Variants in SLX4IP observed in about 807,000 individuals in gnomAD.
SLX4IP encodes the protein protein SLX4IP.
Under a neutral mutation model 32.9 loss-of-function variants are expected in SLX4IP, and 34 were observed. That is an observed-to-expected ratio of 1.03 (90% CI 0.79 to 1.38). SLX4IP has a LOEUF of 1.38. Among genes scored for constraint, SLX4IP ranks in the 40% most tolerant of loss-of-function variants. SLX4IP has a pLI of 0.00. For missense variants in SLX4IP, 444 were observed against 479.0 expected, an observed-to-expected ratio of 0.93 and a Z score of 0.68; for synonymous variants, 172 against 171.7, an observed-to-expected ratio of 1.00 and a Z score of -0.01.
intron 4 of SLX4IP, among the ~76,000 whole-genome samples, chr20:10,563,047 CT>C (rs1369992537): frequency 6.6e-6 from 1 of 152,120 alleles, no homozygotes; most frequent in Non-Finnish European, 1.5e-5. Context: ...ATATGAGTTC[CT>C]TTTTCTTCAC....
At chr20:10,596,301 C>T (rs1685647115) in intron 4 of SLX4IP, among the ~76,000 whole-genome samples, 1 of 152,098 alleles carries the variant, frequency 6.6e-6, no homozygotes. Flanking sequence ...TAGCTCACTG[C>T]AGCCTTGAAG....
intron 6 of SLX4IP, among the ~76,000 whole-genome samples, chr20:10,610,882 G>A (rs1300394006): frequency 6.8e-6 from 1 of 146,826 alleles, no homozygotes; most frequent in Non-Finnish European, 1.5e-5. Context: ...AGTATTATTA[G>A]TGAAATTTAG....
At chr20:10,595,465 C>A (rs2122542970) in intron 4 of SLX4IP, among the ~76,000 whole-genome samples, 1 of 152,290 alleles carries the variant, frequency 6.6e-6, no homozygotes, top group East Asian at 1.9e-4. Context: ...GCATAGCGAG[C>A]TGGGAGCTGG....
chr20:10,619,416 A>G lies in SLX4IP; in HGVS notation c.406-1898A>G, dbSNP rs16991861. Among the ~76,000 whole-genome samples the G allele has an allele frequency of 8.3e-3, 1,260 of 152,210 alleles. 16 individuals carry two copies. Among genetic ancestry groups the G allele is most frequent in the African/African-American group, 0.029 (1,207 of 41,534 alleles). ...TTTTTGAAGTTCCCATAGGAAATGCATAGTGCTCTTTAAACTGAATTTTAA... is the reference window on the plus strand; with the variant it reads ...TTTTTGAAGTTCCCATAGGAAATGCGTAGTGCTCTTTAAACTGAATTTTAA... On this transcript the variant is annotated intron_variant, in intron 6 of 7. Coordinates refer to ENST00000334534, the MANE Select transcript of SLX4IP (RefSeq NM_001009608.3).
intron 4 of SLX4IP, 77 bp downstream of exon 4, chr20:10,560,897 C>T: frequency 7.5e-7 from 1 of 1,330,992 alleles, no homozygotes. Context: ...TTATGTTTGA[C>T]TCTGACTGTC....
chr20:10,617,664 T>TC (rs1247024849), intron 6 of SLX4IP, among the ~76,000 whole-genome samples: 1 of 149,378 alleles, frequency 6.7e-6, no homozygotes, highest in Admixed American at 6.7e-5. Context: ...TTTTTTTTTT[T>TC]TTTTTTCAAA....
At chr20:10,504,100 G>A (rs531003497) in intron 2 of SLX4IP, among the ~76,000 whole-genome samples, 2 of 152,298 alleles carry the variant, frequency 1.3e-5, no homozygotes, top group East Asian at 3.9e-4. Context: ...CATGAAGAAA[G>A]CCTAGATATT....
chr20:10,569,735 A>T (rs1461748376), intron 4 of SLX4IP, among the ~76,000 whole-genome samples: 1 of 152,076 alleles, frequency 6.6e-6, no homozygotes, highest in Non-Finnish European at 1.5e-5. Flanking sequence ...TTGGCAAGTT[A>T]GTCTCTTCTG....
chr20:10,491,219 A>T (rs999357026), intron 2 of SLX4IP, among the ~76,000 whole-genome samples: 3 of 152,218 alleles, frequency 2.0e-5, no homozygotes, highest in African/African-American at 7.2e-5. Flanking sequence ...CTTATTTCGC[A>T]GTTTAAACAT....
rs200236856 is a variant in SLX4IP at position 10,622,747 on chromosome 20, G to A, written c.595G>A (p.Ala199Thr). The change falls in exon 8 of 8, where the codon GCA becomes ACA. Residue 199 changes from alanine (A) to threonine (T), a missense_variant. By Grantham distance (58) the Ala-to-Thr change is moderately conservative. Coordinates refer to ENST00000334534, the MANE Select transcript of SLX4IP (RefSeq NM_001009608.3). Reference sequence around the variant, plus strand: ...GGAAACATCTAGTGACTCAGTGATTGCAGAGATAGCAAGGAGGAGGAATGA... The same window carrying A: ...GGAAACATCTAGTGACTCAGTGATTACAGAGATAGCAAGGAGGAGGAATGA... The part of the protein sequence containing the change: ...TVETSSDSVI[A>T]EIARRRNDGQ... The A allele has an allele frequency of 1.9e-6, 3 of 1,614,170 alleles. No individual in the cohort carries two copies. The highest frequency in any genetic ancestry group is 2.2e-5 in the East Asian group (1 of 44,884).
rs539910671 is a variant in SLX4IP at position 10,566,386 on chromosome 20, T to G, written c.238+5566T>G. Among the ~76,000 whole-genome samples, 3 of 151,226 alleles carry G rather than the reference T, an allele frequency of 2.0e-5. No individual in the cohort carries two copies. In the South Asian group the frequency reaches 6.3e-4, roughly 32 times the overall value. ...AACTCCCCTTTGGCCTGTTTGTATA[T>G]TGCCATAAAGAGCCTGAAACAGTCA... On this transcript the variant is annotated intron_variant, in intron 4 of 7. Coordinates refer to ENST00000334534, the MANE Select transcript of SLX4IP (RefSeq NM_001009608.3).
intron 6 of SLX4IP, among the ~76,000 whole-genome samples, chr20:10,602,248 AG>A (rs1428463572): frequency 6.6e-6 from 1 of 151,858 alleles, no homozygotes; most frequent in Non-Finnish European, 1.5e-5. Context: ...ACTTTTCCCC[AG>A]TGTATTATTT....
chr20:10,586,858 A>T (rs2066651983), intron 4 of SLX4IP, among the ~76,000 whole-genome samples: 1 of 152,104 alleles, frequency 6.6e-6, no homozygotes. Flanking sequence ...AGCTAAGAAT[A>T]AATATAAACC....
chr20:10,566,207 T>C (rs2066390598), intron 4 of SLX4IP, among the ~76,000 whole-genome samples: 1 of 151,702 alleles, frequency 6.6e-6, no homozygotes, highest in East Asian at 1.9e-4. Flanking sequence ...CTGCCAGTGG[T>C]CCTGCCTTGA....
At chr20:10,509,001 T>C (rs1252712711) in intron 2 of SLX4IP, among the ~76,000 whole-genome samples, 1 of 152,160 alleles carries the variant, frequency 6.6e-6, no homozygotes, top group Non-Finnish European at 1.5e-5. Flanking sequence ...AAGAGAATCA[T>C]GCTGAGGTCA....
chr20:10,448,224 G>A (rs1851688038), intron 1 of SLX4IP, among the ~76,000 whole-genome samples: 1 of 152,106 alleles, frequency 6.6e-6, no homozygotes, highest in South Asian at 2.1e-4. Context: ...CATAAAATGA[G>A]CGGTGGGATG....
At chr20:10,518,940 A>C (rs1051256998) in intron 2 of SLX4IP, among the ~76,000 whole-genome samples, 7 of 152,174 alleles carry the variant, frequency 4.6e-5, no homozygotes, top group Non-Finnish European at 8.8e-5. Flanking sequence ...ACAGAAAGGT[A>C]GTCATGAGTT....
intron 2 of SLX4IP, among the ~76,000 whole-genome samples, chr20:10,482,252 T>A (rs763172505): frequency 5.8e-4 from 89 of 152,338 alleles, no homozygotes; most frequent in Non-Finnish European, 9.6e-4. Flanking sequence ...GCAATTGGTT[T>A]CTCATATTAT....
At chr20:10,473,902 A>G (rs2065449892) in intron 2 of SLX4IP, among the ~76,000 whole-genome samples, 1 of 151,542 alleles carries the variant, frequency 6.6e-6, no homozygotes, top group African/African-American at 2.4e-5. Context: ...GGCTCACTGC[A>G]ACCTCCGCCT....
Sources: gnomAD v4.1 joint callset for allele counts (sites outside exome capture counted in the v4.1 genomes callset) on GRCh38, gnomAD v4.1.1 for gene constraint, MANE v1.5 for transcripts, NCBI Gene and HGNC (gene_info 2026-07-23, HGNC 2026-07-21) for gene names.